The following POLB variants were observed in gnomAD, a reference collection of about 807,000 sequenced individuals.
The protein encoded by POLB is 5'-dRP lyase.
In POLB, 37 loss-of-function variants were observed where a neutral mutation model predicts 52.7. That is an observed-to-expected ratio of 0.70 (90% CI 0.54 to 0.92). The LOEUF is 0.92. Among genes scored for constraint, POLB ranks in the 40% least tolerant of loss-of-function variants. The probability of loss-of-function intolerance (pLI) is 0.00; values close to 1 mark genes in which losing one functional copy is unlikely to be tolerated. For synonymous variants in POLB, 138 were observed against 131.3 expected (o/e 1.05, Z -0.35); for missense variants, 313 against 400.8 (o/e 0.78, Z 1.87).
intron 2 of POLB, among the ~76,000 whole-genome samples, chr8:42,344,674 A>G (rs1317084422): frequency 2.0e-5 from 3 of 150,992 alleles, no homozygotes; most frequent in Non-Finnish European, 4.4e-5. Flanking sequence ...CTCCACTAAA[A>G]TACAAGAAGG....
intron 13 of POLB, among the ~76,000 whole-genome samples, chr8:42,370,568 G>T (rs1824319906): frequency 1.3e-5 from 2 of 151,792 alleles, no homozygotes; most frequent in South Asian, 4.2e-4. Context: ...GTAGACTAGG[G>T]CAGTGCTTCT....
rs748183535 is a variant in POLB at position 42,349,989 on chromosome 8, C to CTTTT, written c.262-11_262-8dup. ...AAAGCATTCCTAAATCATTGTTAGA[C>CTTTT]TTTTTTTTTTCTTAAAGATTCGGCA... On this transcript the variant is annotated splice_polypyrimidine_tract_variant and intron_variant, in intron 4 of 13. Transcript: ENST00000265421. 10 of 1,424,140 alleles carry CTTTT rather than the reference C, an allele frequency of 7.0e-6. No individual in the cohort carries two copies. Among genetic ancestry groups the CTTTT allele is most frequent in the Admixed American group, 1.8e-5 (1 of 56,046 alleles). 88.2% of individuals were successfully genotyped at this position (1,424,140 alleles called of 1,614,324 possible).
chr8:42,355,658 T>C, intron 7 of POLB, 91 bp downstream of exon 7: 1 of 730,978 alleles, frequency 1.4e-6, no homozygotes, highest in Non-Finnish European at 2.4e-6. Context: ...TCTTCAAACT[T>C]AGCTAAACCA....
At chr8:42,343,828 G>A (rs889638452) in intron 2 of POLB, among the ~76,000 whole-genome samples, 4 of 152,078 alleles carry the variant, frequency 2.6e-5, no homozygotes, top group African/African-American at 9.7e-5. Context: ...AGCTTTTCAA[G>A]ATACTTTAAA....
At chr8:42,367,189 A>G (rs1384960600) in intron 11 of POLB, among the ~76,000 whole-genome samples, 1 of 152,264 alleles carries the variant, frequency 6.6e-6, no homozygotes, top group Non-Finnish European at 1.5e-5. Flanking sequence ...CCATGAATTT[A>G]AGTAAAACTC....
At chr8:42,368,185 T>C (rs1824160128) in intron 11 of POLB, among the ~76,000 whole-genome samples, 1 of 152,238 alleles carries the variant, frequency 6.6e-6, no homozygotes, top group African/African-American at 2.4e-5. Flanking sequence ...CATCATTCCC[T>C]GTGGTATCTA....
chr8:42,371,307 G>C (rs1181991682), intron 13 of POLB, among the ~76,000 whole-genome samples: 3 of 152,056 alleles, frequency 2.0e-5, no homozygotes, highest in Non-Finnish European at 4.4e-5. Flanking sequence ...ATTTTTAGTA[G>C]AGATGGGGTT....
In POLB at chr8:42,355,532, A is replaced by C. The variant is rs555584001; in HGVS notation, c.387A>C (p.Glu129Asp). The change falls in exon 7 of 14, where the codon GAA (glutamate) becomes GAC (aspartate). Residue 129 changes from glutamate to aspartate, a missense_variant. Physicochemically the swap from Glu to Asp is conservative, Grantham distance 45. Transcript: ENST00000265421. ...TCTATACAGATCTCAGAAAAAATGA[A>C]GATAAATTGAACCATCATCAGCGAA... is the stretch of plus-strand genomic sequence containing the variant. ...IKTLEDLRKN[E>D]DKLNHHQRIG... 6.3e-7 allele frequency: 1 copy of C among 1,582,330 alleles called. No homozygotes were observed. The highest frequency in any genetic ancestry group is 2.2e-5 in the East Asian group (1 of 44,712).
chr8:42,344,173 GTGGTTCACGCCTGTAATCCTAGC>G (rs1359198154), intron 2 of POLB, among the ~76,000 whole-genome samples: 2 of 150,736 alleles, frequency 1.3e-5, no homozygotes, highest in South Asian at 2.1e-4. Flanking sequence ...GCCGGGAGTG[GTGGTTCACGCCTGTAATCCTAGC>G]TGGTTCACAC....
In POLB at chr8:42,371,654, A is replaced by T; in HGVS notation, c.1005A>T (p.Glu335Asp). 1 of 1,592,202 alleles carries T rather than the reference A, an allele frequency of 6.3e-7. No homozygotes were observed. The highest frequency in any genetic ancestry group is 8.6e-7 in the Non-Finnish European group (1 of 1,160,272). ...ACCGGGAACCCAAGGACCGGAGCGA[A>T]TGAGGCCTGTATCCTCCCTGGCAGA... Reference protein sequence around the residue: ...WKYREPKDRSE With the variant: ...WKYREPKDRSD Residue 335 changes from glutamate to aspartate, a missense_variant, in exon 14 of 14, where the codon GAA (glutamate) becomes GAT (aspartate). By Grantham distance (45) the Glu-to-Asp change is conservative (BLOSUM62 2). Around this residue, in one of 3 missense-constraint regions of POLB, gnomAD observed 246 missense variants for 297.6 expected, o/e 0.83. Coordinates refer to ENST00000265421, the MANE Select transcript of POLB (RefSeq NM_002690.3).
intron 3 of POLB, among the ~76,000 whole-genome samples, chr8:42,346,868 G>C (rs1235884410): frequency 6.6e-6 from 1 of 152,176 alleles, no homozygotes; most frequent in Non-Finnish European, 1.5e-5. Context: ...TTGTGGCATA[G>C]ACAGTTCTCA....
intron 9 of POLB, among the ~76,000 whole-genome samples, chr8:42,358,343 A>G (rs977610353): frequency 1.2e-4 from 18 of 152,008 alleles, no homozygotes; most frequent in Admixed American, 1.2e-3. Flanking sequence ...TCTACTAAAA[A>G]TACAAAAAAT....
intron 12 of POLB, 117 bp from the exon 13 acceptor site, chr8:42,369,729 AATT>A: frequency 1.6e-6 from 1 of 626,352 alleles, no homozygotes; most frequent in East Asian, 2.7e-5. Context: ...CTTCTCTTCA[AATT>A]ATTAGACCAC....
chr8:42,370,259 GTTTTTTTTTTTTT>G (rs34271342), intron 13 of POLB: 2 of 290,576 alleles, frequency 6.9e-6, no homozygotes, highest in African/African-American at 2.6e-5. Context: ...ATCTAAAAGG[GTTTTTTTTTTTTT>G]TTTTTTTTTT....
chr8:42,347,478 G>A (rs1258382696), intron 3 of POLB, among the ~76,000 whole-genome samples: 1 of 151,050 alleles, frequency 6.6e-6, no homozygotes, highest in Admixed American at 6.6e-5. Context: ...TTCCTTCTTA[G>A]TAACGGAAGT....
chr8:42,361,283 C>T lies in POLB; in HGVS notation c.551-12C>T, dbSNP rs1741859989. 1.9e-6 allele frequency: 3 copies of T among 1,599,656 alleles called. No homozygotes were observed. Among genetic ancestry groups the T allele is most frequent in the Non-Finnish European group, 2.6e-6 (3 of 1,166,884 alleles). On this transcript the variant is annotated splice_polypyrimidine_tract_variant and intron_variant, in intron 9 of 13. Coordinates refer to ENST00000265421, the MANE Select transcript of POLB (RefSeq NM_002690.3). ...ACATGGACAATCTCATATGTGTCTT[C>T]TGTCATCACAGGTGCAGAGTCCAGT...
chr8:42,362,391 T>C (rs1823758444), intron 10 of POLB, among the ~76,000 whole-genome samples: 1 of 152,128 alleles, frequency 6.6e-6, no homozygotes, highest in Non-Finnish European at 1.5e-5. Flanking sequence ...AGTTTTCTTA[T>C]TCAGGCATGA....
At chr8:42,344,038 G>C (rs1822431642) in intron 2 of POLB, among the ~76,000 whole-genome samples, 1 of 149,822 alleles carries the variant, frequency 6.7e-6, no homozygotes, top group African/African-American at 2.5e-5. Context: ...GGCTGAGGTA[G>C]GAGGATTGCT....
chr8:42,370,278 T>C (rs1269099577), intron 13 of POLB: 1 of 476,066 alleles, frequency 2.1e-6, no homozygotes, highest in Non-Finnish European at 3.9e-6. Context: ...TTTTTTTTTT[T>C]TTTTTTGCTG....
Sources: gnomAD v4.1 joint callset for allele counts (sites outside exome capture counted in the v4.1 genomes callset) on GRCh38, gnomAD v4.1.1 for gene constraint, gnomAD v4.1.1 regional missense constraint, MANE v1.5 for transcripts, NCBI Gene and HGNC (gene_info 2026-07-23, HGNC 2026-07-21) for gene names.